Variants in NBN observed in about 807,000 individuals in gnomAD.
NBN encodes nibrin, also known as Nijmegen breakage syndrome 1 (nibrin).
NBN carries 88 observed loss-of-function variants against 90.8 expected under a neutral mutation model. That is an observed-to-expected ratio of 0.97 (90% CI 0.82 to 1.16). NBN has a LOEUF of 1.16. NBN is among the 50% of genes most tolerant of loss of function. The probability of loss-of-function intolerance (pLI) is 0.00; values close to 1 mark genes in which losing one functional copy is unlikely to be tolerated. For synonymous variants in NBN, 328 were observed against 295.1 expected (o/e 1.11, Z -1.14); for missense variants, 894 against 869.6 (o/e 1.03, Z -0.35).
chr8:89,959,076 A>T (rs1810872835), intron 8 of NBN, among the ~76,000 whole-genome samples: 1 of 152,236 alleles, frequency 6.6e-6, no homozygotes, highest in Admixed American at 6.5e-5. Flanking sequence ...TTAAAGCCAC[A>T]TCAGATACTT....
At chr8:89,943,161 T>A in intron 14 of NBN, 92 bp downstream of exon 14, 1 of 1,345,156 alleles carries the variant, frequency 7.4e-7, no homozygotes, top group East Asian at 2.3e-5. Context: ...GTCACTTATT[T>A]TAATTTGGTT....
At chr8:89,963,395 T>C (rs1465974182) in intron 8 of NBN, among the ~76,000 whole-genome samples, 5 of 152,020 alleles carry the variant, frequency 3.3e-5, no homozygotes, top group Admixed American at 2.6e-4. Flanking sequence ...GCTGATGAAA[T>C]AACTACACAA....
intron 14 of NBN, among the ~76,000 whole-genome samples, chr8:89,940,246 A>T (rs555765908): frequency 1.1e-4 from 17 of 151,882 alleles, no homozygotes; most frequent in African/African-American, 4.1e-4. Context: ...CACTACCATG[A>T]CCCGCTAATT....
Position 89,933,521 on chromosome 8 carries a change from T to A in NBN, c.*2061A>T, listed in dbSNP as rs547312108. On this transcript the variant is annotated 3_prime_UTR_variant, in exon 16 of 16. Transcript: ENST00000265433. ...GATTTTTTACTAATTGGCAAGGTAA[T>A]TTAATGAGGAAAGGATAATTCTTTC... The A allele has an allele frequency of 4.3e-6, 1 of 231,062 alleles. No homozygotes were observed. Among genetic ancestry groups the A allele is most frequent in the East Asian group, 6.2e-5 (1 of 16,180 alleles). 14.3% of individuals were successfully genotyped at this position (231,062 alleles called of 1,614,324 possible). A position where few individuals can be genotyped will look rare whatever the true frequency, so the allele number is the denominator to read the frequency against.
chr8:89,981,471 C>A lies in NBN; in HGVS notation c.224G>T (p.Gly75Val), dbSNP rs587782179. The change falls in exon 3 of 16, where the codon GGT becomes GTT. Residue 75 changes from glycine to valine, a missense_variant. Transcript: ENST00000265433. ...VLTLKDNSKY[G>V]TFVNEEKMQN... ...CATTTTTTCCTCATTAACAAAGGTA[C>A]CATACTTAGAATTATCTTTTAATGT... The A allele has an allele frequency of 1.2e-6, 2 of 1,613,456 alleles. No individual in the cohort carries two copies. The highest frequency in any genetic ancestry group is 2.2e-5 in the East Asian group (1 of 44,858).
intron 5 of NBN, among the ~76,000 whole-genome samples, chr8:89,976,767 C>G (rs542628599): frequency 2.0e-5 from 3 of 152,150 alleles, no homozygotes; most frequent in African/African-American, 4.8e-5. Context: ...ACTGAGGGGT[C>G]TTGGACTCAA....
chr8:89,936,391 T>C (rs1040830019), intron 15 of NBN, among the ~76,000 whole-genome samples: 13 of 152,118 alleles, frequency 8.5e-5, no homozygotes, highest in Admixed American at 7.9e-4. Context: ...ATTTATACTG[T>C]CAGTTATGAA....
At chr8:89,971,664 A>G (rs1277892386) in intron 5 of NBN, among the ~76,000 whole-genome samples, 1 of 152,222 alleles carries the variant, frequency 6.6e-6, no homozygotes, top group Non-Finnish European at 1.5e-5. Flanking sequence ...GTGTTTACTT[A>G]GGAGCCAATA....
At chr8:89,935,900 T>C (rs187497652) in intron 15 of NBN, among the ~76,000 whole-genome samples, 1 of 152,294 alleles carries the variant, frequency 6.6e-6, no homozygotes, top group Admixed American at 6.5e-5. Flanking sequence ...ATGTTTACAC[T>C]TCTTTCTGTA....
intron 5 of NBN, among the ~76,000 whole-genome samples, chr8:89,977,110 T>TTTA (rs1011082408): frequency 7.2e-5 from 11 of 152,168 alleles, no homozygotes; most frequent in African/African-American, 2.4e-4. Flanking sequence ...CATGCAGATT[T>TTTA]GTTACATAGG....
chr8:89,937,599 C>T (rs757695816), intron 14 of NBN, among the ~76,000 whole-genome samples: 20 of 152,202 alleles, frequency 1.3e-4, no homozygotes, highest in Non-Finnish European at 2.2e-4. Flanking sequence ...GAATCAAAAA[C>T]TCCCTGTGCT....
intron 8 of NBN, among the ~76,000 whole-genome samples, chr8:89,960,879 G>C (rs532210770): frequency 3.6e-4 from 55 of 152,232 alleles, no homozygotes; most frequent in South Asian, 6.2e-4. Context: ...GGAGAGAAAA[G>C]GGAGACTCAT....
rs375336614 is a variant in NBN at position 89,970,477 on chromosome 8, A to C, written c.783T>G (p.Asn261Lys). Residue 261 changes from asparagine (N) to lysine (K), a missense_variant, in exon 7 of 16, where the codon AAT becomes AAG. By Grantham distance (94) the Asn-to-Lys change is moderately conservative (BLOSUM62 0). Transcript: ENST00000265433. The stretch of plus-strand genomic sequence containing the variant: ...CACACGTTCCCGGAGCCAAAAAGAA[A>C]TTATGTTCTTCTTCATTCTCTTCTG... ...LITEENEEEHNFFLAPGTCVV... is the reference protein window; with the variant it reads ...LITEENEEEHKFFLAPGTCVV... The C allele has an allele frequency of 7.4e-6, 12 of 1,613,798 alleles. No homozygotes were observed. Among genetic ancestry groups the C allele is most frequent in the Admixed American group, 1.7e-5 (1 of 59,998 alleles).
intron 11 of NBN, among the ~76,000 whole-genome samples, chr8:89,951,011 GA>G (rs1200246614): frequency 2.6e-5 from 4 of 152,002 alleles, no homozygotes; most frequent in African/African-American, 9.7e-5. Flanking sequence ...ATCTGGGATG[GA>G]ATTTAAGGGA....
rs948759835 is a variant in NBN at position 89,984,611 on chromosome 8, C to A, written c.-50G>T. ...CCGACGTGCAACCGCGTAACCGGGGCTGCTAGACGAGCGCGGATACGGCGC... is the reference window on the plus strand; with the variant it reads ...CCGACGTGCAACCGCGTAACCGGGGATGCTAGACGAGCGCGGATACGGCGC... On this transcript the variant is annotated 5_prime_UTR_variant, in exon 1 of 16. Transcript: ENST00000265433. 3 of 1,606,914 alleles carry A rather than the reference C, an allele frequency of 1.9e-6. No homozygotes were observed. The highest frequency in any genetic ancestry group is 3.4e-5 in the Admixed American group (2 of 59,518).
At chr8:89,954,588 TCTATTA>T (rs1294926344) in intron 10 of NBN, among the ~76,000 whole-genome samples, 2 of 150,480 alleles carry the variant, frequency 1.3e-5, no homozygotes, top group Non-Finnish European at 3.0e-5. Flanking sequence ...AGTTTTTAGG[TCTATTA>T]CTGGGGAAAC....
chr8:89,964,336 G>T (rs1346055540), intron 8 of NBN, 74 bp downstream of exon 8: 3 of 1,505,832 alleles, frequency 2.0e-6, no homozygotes, highest in Admixed American at 3.3e-5. Context: ...GCAAGTATAT[G>T]AGTAACGTAT....
chr8:89,954,912 C>G lies in NBN; in HGVS notation c.1397+371G>C, dbSNP rs569455096. 2.6e-5 allele frequency among the ~76,000 whole-genome samples: 4 copies of G among 152,068 alleles called. No individual in the cohort carries two copies. The South Asian group carries it at 8.3e-4, about 32-fold the overall frequency. ...ACAGAAGAAAAAAATCTGGGATGATCAATATATTCAAAATATGGAAATTGA... is the reference window on the plus strand; with the variant it reads ...ACAGAAGAAAAAAATCTGGGATGATGAATATATTCAAAATATGGAAATTGA... On this transcript the variant is annotated intron_variant, in intron 10 of 15. Coordinates refer to ENST00000265433, the MANE Select transcript of NBN (RefSeq NM_002485.5).
Position 89,953,312 on chromosome 8 carries a change from G to C in NBN, c.1777C>G (p.Pro593Ala), listed in dbSNP as rs146989944. ...QEEDVNVRKR[P>A]RMDIETNDTF... ...TCATTTGTTTCTATATCCATCCTTG[G>C]CCTTTTTCTAACATTGACATCTTCC... Residue 593 changes from proline (P) to alanine (A), a missense_variant, in exon 11 of 16, where the codon CCA (proline) becomes GCA (alanine). By Grantham distance (27) the Pro-to-Ala change is conservative. Coordinates refer to ENST00000265433, the MANE Select transcript of NBN (RefSeq NM_002485.5). 169 of 1,613,202 alleles carry C rather than the reference G, an allele frequency of 1.0e-4. No individual in the cohort carries two copies. In the African/African-American group the frequency reaches 2.2e-3, roughly 21 times the overall value.
Sources: gnomAD v4.1 joint callset for allele counts (sites outside exome capture counted in the v4.1 genomes callset) on GRCh38, gnomAD v4.1.1 for gene constraint, MANE v1.5 for transcripts, NCBI Gene and HGNC (gene_info 2026-07-23, HGNC 2026-07-21) for gene names.